The following PA2G4 variants were observed in gnomAD, a reference collection of about 807,000 sequenced individuals.
PA2G4 encodes proliferation-associated 2G4.
PA2G4 carries 8 observed loss-of-function variants against 53.3 expected under a neutral mutation model. The ratio of observed to expected loss-of-function variants is 0.15; its 90% CI spans 0.09 to 0.27. The LOEUF (loss-of-function observed/expected upper bound fraction) is 0.27. Among genes scored for constraint, PA2G4 ranks in the 10% least tolerant of loss-of-function variants. The pLI, the probability that PA2G4 is intolerant of heterozygous loss-of-function variation, is 1.00. For missense variants in PA2G4, 208 were observed against 486.8 expected (o/e 0.43, Z 5.39); for synonymous variants, 143 against 169.8 (o/e 0.84, Z 1.23).
chr12:56,107,741 A>G (rs1869331219), intron 5 of PA2G4, 128 bp downstream of exon 5: 4 of 620,972 alleles, frequency 6.4e-6, no homozygotes, highest in Non-Finnish European at 1.2e-5. Context: ...AAAATTAGCT[A>G]TATTTAGCTG....
chr12:56,110,053 T>C lies in PA2G4; in HGVS notation c.629+118T>C. On this transcript the variant is annotated intron_variant, in intron 7 of 12. Transcript: ENST00000303305. ...CTCCATGTTTTCAGGAGTGACCTGT[T>C]GCTCTTAATATTCCCTTTCTCTAGG... 5 of 770,200 alleles carry C rather than the reference T, an allele frequency of 6.5e-6. No homozygotes were observed. The Admixed American group carries it at 1.0e-4, about 15-fold the overall frequency. The allele number at this position is 770,200 out of a possible 1,614,324, so 47.7% of individuals were successfully genotyped here. A position where few individuals can be genotyped will look rare whatever the true frequency, so the allele number is the denominator to read the frequency against.
chr12:56,112,997 G>A lies in PA2G4; in HGVS notation c.*109G>A. 1.5e-6 allele frequency: 1 copy of A among 685,992 alleles called. No homozygotes were observed. Among genetic ancestry groups the A allele is most frequent in the Non-Finnish European group, 2.3e-6 (1 of 427,452 alleles). 42.5% of individuals were successfully genotyped at this position (685,992 alleles called of 1,614,324 possible). A position where few individuals can be genotyped will look rare whatever the true frequency, so the allele number is the denominator to read the frequency against. On this transcript the variant is annotated 3_prime_UTR_variant, in exon 13 of 13. Coordinates refer to ENST00000303305, the MANE Select transcript of PA2G4 (RefSeq NM_006191.3). ...CCACCTAGGACCGCCAGCAGAGCGG[G>A]GGGATCTCCCTGCCCCCACCCCAGT...
At chr12:56,109,138 A>C (rs1172179296) in intron 5 of PA2G4, 92 bp from the exon 6 acceptor site, 2 of 785,940 alleles carry the variant, frequency 2.5e-6, no homozygotes, top group African/African-American at 1.8e-5. Context: ...AAAAAAAAAA[A>C]AAACGCTCAG....
intron 1 of PA2G4, among the ~76,000 whole-genome samples, chr12:56,105,941 A>G (rs985995348): frequency 6.6e-6 from 1 of 152,228 alleles, no homozygotes; most frequent in Admixed American, 6.5e-5. Flanking sequence ...CCAAAAGTCA[A>G]ACCTGTGCTT....
In PA2G4 at chr12:56,113,117, A is replaced by G; in HGVS notation, c.*229A>G. The G allele has an allele frequency of 2.5e-6, 1 of 402,998 alleles. No homozygotes were observed. The highest frequency in any genetic ancestry group is 4.4e-6 in the Non-Finnish European group (1 of 228,302). The allele number at this position is 402,998 out of a possible 1,614,324, so 25.0% of individuals were successfully genotyped here. A position where few individuals can be genotyped will look rare whatever the true frequency, so the allele number is the denominator to read the frequency against. ...AACCACGGAAGACTACTTTAAATGAAAAAAAGAAATTGAATAATAAAATCA... is the reference window on the plus strand; with the variant it reads ...AACCACGGAAGACTACTTTAAATGAGAAAAAGAAATTGAATAATAAAATCA... On this transcript the variant is annotated 3_prime_UTR_variant, in exon 13 of 13. Transcript: ENST00000303305.
intron 9 of PA2G4, 74 bp downstream of exon 9, chr12:56,110,766 C>G (rs924304722): frequency 1.9e-6 from 3 of 1,571,606 alleles, no homozygotes; most frequent in Non-Finnish European, 2.6e-6. Flanking sequence ...TTTCCTCTCC[C>G]TTCCTGCCTA....
chr12:56,109,153 T>G, intron 5 of PA2G4, 77 bp from the exon 6 acceptor site: 1 of 983,402 alleles, frequency 1.0e-6, no homozygotes, highest in Non-Finnish European at 1.6e-6. Context: ...GCTCAGTTCT[T>G]TTATGCTTCT....
chr12:56,107,712 C>T, intron 5 of PA2G4, 99 bp downstream of exon 5: 2 of 713,092 alleles, frequency 2.8e-6, no homozygotes, highest in Non-Finnish European at 4.9e-6. Flanking sequence ...CCTACAGACC[C>T]CTTATAAAAC....
intron 12 of PA2G4, 99 bp downstream of exon 12, chr12:56,111,628 GCTC>G: frequency 9.8e-7 from 1 of 1,017,638 alleles, no homozygotes. Context: ...TTATACAGAT[GCTC>G]CTCAACTTAT....
At chr12:56,108,369 C>T (rs1316916908) in intron 5 of PA2G4, among the ~76,000 whole-genome samples, 1 of 152,196 alleles carries the variant, frequency 6.6e-6, no homozygotes, top group Non-Finnish European at 1.5e-5. Flanking sequence ...TGTTCACATG[C>T]AAAATTTATT....
intron 7 of PA2G4, among the ~76,000 whole-genome samples, 171 bp downstream of exon 7, chr12:56,110,106 C>T (rs1869388741): frequency 6.6e-6 from 1 of 152,190 alleles, no homozygotes; most frequent in African/African-American, 2.4e-5. Flanking sequence ...CGCCTGTAAT[C>T]CCAGCACTTT....
Position 56,109,887 on chromosome 12 carries a change from T to A in PA2G4, c.581T>A (p.Val194Asp). The A allele has an allele frequency of 6.2e-7, 1 of 1,613,914 alleles. No homozygotes were observed. The highest frequency in any genetic ancestry group is 1.1e-5 in the South Asian group (1 of 91,084). ...GMLSHQLKQH[V>D]IDGEKTIIQN... Reference sequence around the variant, plus strand: ...CTGTCACACCAGTTGAAGCAGCATGTCATCGATGGAGAAAAAACCATTATC... The same window carrying A: ...CTGTCACACCAGTTGAAGCAGCATGACATCGATGGAGAAAAAACCATTATC... Residue 194 changes from valine to aspartate, a missense_variant, in exon 7 of 13, where the codon GTC (valine) becomes GAC (aspartate). Physicochemically the swap from Val to Asp is radical, Grantham distance 152 (BLOSUM62 -3). Transcript: ENST00000303305.
chr12:56,110,947 A>G lies in PA2G4; in HGVS notation c.843-17A>G. On this transcript the variant is annotated splice_polypyrimidine_tract_variant and intron_variant, in intron 9 of 12. Coordinates refer to ENST00000303305, the MANE Select transcript of PA2G4 (RefSeq NM_006191.3). ...TGGGGAGTTAAAGATACCTCTGAAT[A>G]TCATCTTCCCTGCCAGAGCATTTGA... 1.2e-6 allele frequency: 2 copies of G among 1,609,498 alleles called. No individual in the cohort carries two copies. Among genetic ancestry groups the G allele is most frequent in the Non-Finnish European group, 8.5e-7 (1 of 1,177,548 alleles).
intron 1 of PA2G4, 115 bp from the exon 2 acceptor site, chr12:56,106,473 G>A: frequency 8.4e-7 from 1 of 1,185,796 alleles, no homozygotes; most frequent in Non-Finnish European, 1.1e-6. Context: ...CAGCCTCAGG[G>A]CAATGGCACC....
chr12:56,104,710 A>T lies in PA2G4; in HGVS notation c.-28A>T. 1 of 1,601,778 alleles carries T rather than the reference A, an allele frequency of 6.2e-7. No individual in the cohort carries two copies. The highest frequency in any genetic ancestry group is 1.1e-5 in the South Asian group (1 of 90,804). ...CAGAGGCGGCGGCGGCTCAGGGGAA[A>T]CGAGGCTGCAGTGGTGGTAGTAGGA... On this transcript the variant is annotated 5_prime_UTR_variant, in exon 1 of 13. Transcript: ENST00000303305.
At position 56,113,525 on chromosome 12, in the gene PA2G4, C is replaced by A; in HGVS notation, c.*637C>A. On this transcript the variant is annotated 3_prime_UTR_variant, in exon 13 of 13. Coordinates refer to ENST00000303305, the MANE Select transcript of PA2G4 (RefSeq NM_006191.3). ...GGATCCTCATTTGTAAATCTTTTTT[C>A]TTCCATTTTCACAAAGCTGTAAAGA... is the stretch of plus-strand genomic sequence containing the variant. 1 of 302,882 alleles carries A rather than the reference C, an allele frequency of 3.3e-6. No individual in the cohort carries two copies. The highest frequency in any genetic ancestry group is 5.8e-5 in the East Asian group (1 of 17,236). 18.8% of individuals were successfully genotyped at this position (302,882 alleles called of 1,614,324 possible).
chr12:56,113,025 C>G lies in PA2G4; in HGVS notation c.*137C>G, dbSNP rs1450207893. On this transcript the variant is annotated 3_prime_UTR_variant, in exon 13 of 13. Coordinates refer to ENST00000303305, the MANE Select transcript of PA2G4 (RefSeq NM_006191.3). ...GATCTCCCTGCCCCCACCCCAGTTC[C>G]CCAACCCACTCCCTTCCAACAACAA... The G allele has an allele frequency of 5.6e-6, 3 of 539,092 alleles. No homozygotes were observed. The highest frequency in any genetic ancestry group is 3.2e-6 in the Non-Finnish European group (1 of 315,984). The allele number at this position is 539,092 out of a possible 1,614,324, so 33.4% of individuals were successfully genotyped here. A position where few individuals can be genotyped will look rare whatever the true frequency, so the allele number is the denominator to read the frequency against.
At chr12:56,111,968 G>C (rs1869435942) in intron 12 of PA2G4, among the ~76,000 whole-genome samples, 1 of 152,000 alleles carries the variant, frequency 6.6e-6, no homozygotes, top group South Asian at 2.1e-4. Flanking sequence ...TACAAAATTA[G>C]CTGGGTGTGG....
chr12:56,111,027 G>A lies in PA2G4; in HGVS notation c.906G>A (p.Leu302=). ...GVVECAKHEL[L]QPFNVLYEKE... is the part of the protein sequence containing the mutation. ...TGGAGTGCGCCAAACATGAACTGCT[G>A]CAACCATTTAATGTTCTCTATGAGA... Residue 302 remains leucine, a synonymous_variant, in exon 10 of 13, where the codon CTG becomes CTA. Transcript: ENST00000303305. The A allele has an allele frequency of 6.2e-7, 1 of 1,613,920 alleles. No homozygotes were observed.
Sources: allele counts gnomAD v4.1 joint callset (sites outside exome capture counted in the v4.1 genomes callset), GRCh38; gene constraint gnomAD v4.1.1; transcripts MANE v1.5; gene names NCBI Gene and HGNC (gene_info 2026-07-23, HGNC 2026-07-21).